Variants in KCNIP1 observed in about 807,000 individuals in gnomAD.
KCNIP1 encodes potassium voltage-gated channel interacting protein 1, also known as A-type potassium channel modulatory protein KCNIP1.
Under a neutral mutation model 33.0 loss-of-function variants are expected in KCNIP1, and 18 were observed. That is an observed-to-expected ratio of 0.55 (90% CI 0.38 to 0.81). The LOEUF (loss-of-function observed/expected upper bound fraction) is 0.81, where lower values mean the gene tolerates loss of function less well. Ranked by LOEUF, KCNIP1 falls within the 30% of genes least tolerant of loss-of-function variation. The pLI is 0.00. For synonymous variants in KCNIP1, 93 were observed against 98.3 expected, an observed-to-expected ratio of 0.95 and a Z score of 0.32; for missense variants, 238 against 271.6, an observed-to-expected ratio of 0.88 and a Z score of 0.87.
chr5:170,678,902 G>C (rs889954412), intron 1 of KCNIP1: 1 of 152,242 alleles, frequency 6.6e-6, no homozygotes, highest in South Asian at 2.1e-4. Flanking sequence ...GCTAAGATAA[G>C]CCAAGAGAAC....
intron 1 of KCNIP1, among the ~76,000 whole-genome samples, chr5:170,530,733 C>T (rs1755757388): frequency 1.3e-5 from 2 of 152,212 alleles, no homozygotes; most frequent in Admixed American, 1.3e-4. Context: ...GAGGGACCTG[C>T]CTGAGGCTTG....
chr5:170,635,792 C>T (rs1452477933), intron 1 of KCNIP1, among the ~76,000 whole-genome samples: 2 of 152,194 alleles, frequency 1.3e-5, no homozygotes, highest in Non-Finnish European at 2.9e-5. Context: ...CAGTCTTCTG[C>T]CTTGGATGTA....
At chr5:170,643,000 A>G (rs543062212) in intron 1 of KCNIP1, among the ~76,000 whole-genome samples, 12 of 152,214 alleles carry the variant, frequency 7.9e-5, no homozygotes, top group Non-Finnish European at 1.6e-4. Context: ...GTTCCCTTAG[A>G]TGACAAAGGG....
At chr5:170,367,354 A>AAAGAAAGAAAGG (rs1410307982) in intron 1 of KCNIP1, among the ~76,000 whole-genome samples, 206 of 37,162 alleles carry the variant, frequency 5.5e-3, no homozygotes, top group Middle Eastern at 0.012. Context: ...AAAGAAAAAG[A>AAAGAAAGAAAGG]AAGAAAGAAA....
intron 1 of KCNIP1, among the ~76,000 whole-genome samples, chr5:170,420,165 A>G (rs1755444642): frequency 6.6e-6 from 1 of 152,168 alleles, no homozygotes; most frequent in Non-Finnish European, 1.5e-5. Flanking sequence ...TGAACAACAC[A>G]GGTTTGAACT....
intron 1 of KCNIP1, among the ~76,000 whole-genome samples, chr5:170,373,066 T>G (rs1763889986): frequency 6.6e-6 from 1 of 152,232 alleles, no homozygotes; most frequent in African/African-American, 2.4e-5. Flanking sequence ...CCTCCCTTTC[T>G]CATCTCCCAA....
chr5:170,443,139 C>A (rs574934264), intron 1 of KCNIP1, among the ~76,000 whole-genome samples: 1 of 152,260 alleles, frequency 6.6e-6, no homozygotes, highest in Admixed American at 6.5e-5. Context: ...CCCTCTTGTC[C>A]AGACCCAAAG....
chr5:170,377,943 C>T (rs1764075487), intron 1 of KCNIP1: 1 of 152,022 alleles, frequency 6.6e-6, no homozygotes, highest in Non-Finnish European at 1.5e-5. Flanking sequence ...TCCCCAGACC[C>T]ACTTCCATCT....
chr5:170,607,898 A>T (rs1758992862), intron 1 of KCNIP1, among the ~76,000 whole-genome samples: 1 of 152,212 alleles, frequency 6.6e-6, no homozygotes, highest in Admixed American at 6.5e-5. Context: ...AGCCCGCAAC[A>T]AAATCTACAT....
At chr5:170,585,494 C>A (rs76305405) in intron 1 of KCNIP1, among the ~76,000 whole-genome samples, 1 of 152,052 alleles carries the variant, frequency 6.6e-6, no homozygotes, top group Admixed American at 6.6e-5. Flanking sequence ...GGCTCCACTC[C>A]CTATTACTCA....
At chr5:170,605,737 C>T (rs972646086) in intron 1 of KCNIP1, among the ~76,000 whole-genome samples, 1 of 149,794 alleles carries the variant, frequency 6.7e-6, no homozygotes, top group Non-Finnish European at 1.5e-5. Context: ...GGTCTATCTA[C>T]GTTGTAGCAT....
intron 1 of KCNIP1, among the ~76,000 whole-genome samples, chr5:170,388,454 G>C (rs924441664): frequency 6.6e-6 from 1 of 152,220 alleles, no homozygotes; most frequent in African/African-American, 2.4e-5. Context: ...CAGTTAGACT[G>C]TAAGAAGAAC....
At chr5:170,729,420 A>G (rs1764119771) in intron 5 of KCNIP1, among the ~76,000 whole-genome samples, 1 of 152,080 alleles carries the variant, frequency 6.6e-6, no homozygotes, top group Non-Finnish European at 1.5e-5. Context: ...CATCGTGCTT[A>G]TCTTTGTATT....
chr5:170,483,011 G>T, intron 1 of KCNIP1: 1 of 443,758 alleles, frequency 2.3e-6, no homozygotes, highest in South Asian at 1.6e-5. Context: ...TTAAATTAAA[G>T]TATGAGGTGG....
chr5:170,440,803 C>CGATG (rs1755970662), intron 1 of KCNIP1, among the ~76,000 whole-genome samples: 2 of 152,150 alleles, frequency 1.3e-5, no homozygotes. Flanking sequence ...ACTGAGATCA[C>CGATG]GATGTACAAA....
intron 1 of KCNIP1, among the ~76,000 whole-genome samples, chr5:170,671,798 C>T (rs1390757521): frequency 6.6e-6 from 1 of 152,198 alleles, no homozygotes; most frequent in Non-Finnish European, 1.5e-5. Context: ...TACTACATTA[C>T]TTCTATTTTT....
intron 1 of KCNIP1, among the ~76,000 whole-genome samples, chr5:170,564,451 G>C (rs957626300): frequency 6.6e-6 from 1 of 152,170 alleles, no homozygotes; most frequent in African/African-American, 2.4e-5. Context: ...GAGGTAGCAG[G>C]AGACCGAGCT....
intron 1 of KCNIP1, among the ~76,000 whole-genome samples, chr5:170,610,355 A>AGGCCTTTTT (rs1759097757): frequency 6.6e-6 from 1 of 152,226 alleles, no homozygotes; most frequent in African/African-American, 2.4e-5. Flanking sequence ...TGTACTTAAT[A>AGGCCTTTTT]GGCCTTTTTC....
At chr5:170,652,938 G>A (rs553285890) in intron 1 of KCNIP1, among the ~76,000 whole-genome samples, 5 of 152,320 alleles carry the variant, frequency 3.3e-5, no homozygotes, top group East Asian at 1.9e-4. Flanking sequence ...ACAAAAAAAC[G>A]AAGGCCCTGC....
Sources: allele counts gnomAD v4.1 joint callset (sites outside exome capture counted in the v4.1 genomes callset), GRCh38; gene constraint gnomAD v4.1.1; transcripts MANE v1.5; gene names NCBI Gene and HGNC (gene_info 2026-07-23, HGNC 2026-07-21).